SMAD9: variants seen among roughly 807,000 people sequenced by gnomAD.
SMAD9 encodes the protein SMAD family member 9, also known as MAD homolog 9.
In SMAD9, 36 loss-of-function variants were observed where a neutral mutation model predicts 46.1. The ratio of observed to expected loss-of-function variants is 0.78; its 90% confidence interval spans 0.60 to 1.03. The LOEUF (loss-of-function observed/expected upper bound fraction) is 1.03. SMAD9 is among the 50% of genes least tolerant of loss of function. SMAD9 has a pLI of 0.00. For missense variants in SMAD9, 572 were observed against 599.8 expected, an observed-to-expected ratio of 0.95 and a Z score of 0.48; for synonymous variants, 245 against 237.1, an observed-to-expected ratio of 1.03 and a Z score of -0.31.
chr13:36,872,090 C>A (rs1163476227), intron 3 of SMAD9, among the ~76,000 whole-genome samples: 1 of 152,130 alleles, frequency 6.6e-6, no homozygotes, highest in East Asian at 1.9e-4. Context: ...GGCTCCCTTT[C>A]CCTTCCATAT....
At chr13:36,867,988 A>T (rs2058252156) in intron 3 of SMAD9, among the ~76,000 whole-genome samples, 1 of 152,256 alleles carries the variant, frequency 6.6e-6, no homozygotes, top group Non-Finnish European at 1.5e-5. Context: ...CATGAGGCAC[A>T]GGAAAAACTC....
At chr13:36,919,716 AT>A (rs2058726700) in intron 1 of SMAD9, among the ~76,000 whole-genome samples, 1 of 143,534 alleles carries the variant, frequency 7.0e-6, no homozygotes, top group Non-Finnish European at 1.5e-5. Context: ...CGGGTCGAAC[AT>A]CCCCTGACAG....
intron 1 of SMAD9, among the ~76,000 whole-genome samples, chr13:36,900,998 C>G (rs975348422): frequency 2.0e-5 from 3 of 152,126 alleles, no homozygotes; most frequent in African/African-American, 7.2e-5. Context: ...TTTACCTATT[C>G]TGAATTGTTC....
chr13:36,887,271 G>T (rs190647659), intron 1 of SMAD9, among the ~76,000 whole-genome samples: 60 of 139,572 alleles, frequency 4.3e-4, no homozygotes, highest in African/African-American at 1.6e-3. Flanking sequence ...CTCCCAGGCT[G>T]GAGTGCAGTG....
intron 1 of SMAD9, among the ~76,000 whole-genome samples, chr13:36,884,497 GAGTA>G (rs2058428883): frequency 6.6e-6 from 1 of 152,084 alleles, no homozygotes; most frequent in African/African-American, 2.4e-5. Context: ...AACCCCAACT[GAGTA>G]AGAAAACAAC....
intron 5 of SMAD9, among the ~76,000 whole-genome samples, chr13:36,865,234 C>T (rs1445388550): frequency 6.6e-6 from 1 of 152,168 alleles, no homozygotes; most frequent in East Asian, 1.9e-4. Context: ...TAATGCATAA[C>T]ACTTCTATTT....
chr13:36,909,996 G>A (rs1375681977), intron 1 of SMAD9, among the ~76,000 whole-genome samples: 1 of 151,424 alleles, frequency 6.6e-6, no homozygotes, highest in East Asian at 1.9e-4. Flanking sequence ...AGGAGATCGA[G>A]ACCATCCTGG....
chr13:36,917,281 G>C (rs2058705650), intron 1 of SMAD9, among the ~76,000 whole-genome samples: 1 of 152,128 alleles, frequency 6.6e-6, no homozygotes, highest in Admixed American at 6.5e-5. Flanking sequence ...TTATTACCAA[G>C]GGATAATTGT....
At position 36,848,831 on chromosome 13, in the gene SMAD9, GA is replaced by G; in HGVS notation, c.1261-13del. The stretch of plus-strand genomic sequence containing the variant: ...TCAGCACCCCAACCCTGAAAAACAA[GA>G]AAGGAGCTGAGTGATGGTGCCACAC... On this transcript the variant is annotated splice_polypyrimidine_tract_variant and intron_variant, in intron 6 of 6. Transcript: ENST00000379826. The G allele has an allele frequency of 6.2e-7, 1 of 1,612,992 alleles. No individual in the cohort carries two copies. Among genetic ancestry groups the G allele is most frequent in the African/African-American group, 1.3e-5 (1 of 75,034 alleles).
intron 2 of SMAD9, 144 bp from the exon 3 acceptor site, chr13:36,873,059 C>G (rs1353976269): frequency 1.1e-6 from 1 of 926,258 alleles, no homozygotes; most frequent in Non-Finnish European, 1.7e-6. Context: ...AGTCTTTGTG[C>G]TCATCATAAA....
At chr13:36,898,946 C>A (rs1466095900) in intron 1 of SMAD9, among the ~76,000 whole-genome samples, 1 of 151,926 alleles carries the variant, frequency 6.6e-6, no homozygotes, top group Non-Finnish European at 1.5e-5. Context: ...AAACCAAATA[C>A]AAGCATAAAG....
chr13:36,900,275 A>AT (rs2058563212), intron 1 of SMAD9, among the ~76,000 whole-genome samples: 1 of 151,524 alleles, frequency 6.6e-6, no homozygotes, highest in Admixed American at 6.6e-5. Context: ...TCCCTATCTT[A>AT]TTTTATTTTT....
chr13:36,852,666 G>T, intron 6 of SMAD9: 1 of 672,042 alleles, frequency 1.5e-6, no homozygotes, highest in Non-Finnish European at 1.8e-6. Flanking sequence ...AACCAACCCT[G>T]CCTATTTTTG....
At chr13:36,913,581 AAAGC>A (rs778215327) in intron 1 of SMAD9, among the ~76,000 whole-genome samples, 1 of 152,224 alleles carries the variant, frequency 6.6e-6, no homozygotes, top group East Asian at 1.9e-4. Context: ...ATGACAACAG[AAAGC>A]AAGTAAAACT....
chr13:36,875,990 C>T (rs1174860195), intron 2 of SMAD9, among the ~76,000 whole-genome samples: 2 of 152,178 alleles, frequency 1.3e-5, no homozygotes, highest in Non-Finnish European at 2.9e-5. Flanking sequence ...ACCTGACTGG[C>T]TCCGTTGCCT....
chr13:36,880,771 A>C (rs2058395912), intron 1 of SMAD9, among the ~76,000 whole-genome samples: 2 of 152,222 alleles, frequency 1.3e-5, no homozygotes, highest in Admixed American at 1.3e-4. Context: ...TATTAAATAG[A>C]TTTGCAGTAA....
rs1176964759 is a variant in SMAD9, at chr13:36,870,704, GT to G, written c.670+1953del. On this transcript the variant is annotated intron_variant, in intron 3 of 6. Coordinates refer to ENST00000379826, the MANE Select transcript of SMAD9 (RefSeq NM_001127217.3). The stretch of plus-strand genomic sequence containing the variant: ...TAGTACAGAATACCACATATACTAT[GT>G]TTTTTTTCCTATACATACCTGTGAT... Among the ~76,000 whole-genome samples, 5 of 151,946 alleles carry G rather than the reference GT, an allele frequency of 3.3e-5. 1 individual carries two copies. The highest frequency in any genetic ancestry group is 6.6e-5 in the Admixed American group (1 of 15,238).
At chr13:36,871,515 C>T (rs1054068390) in intron 3 of SMAD9, among the ~76,000 whole-genome samples, 2 of 148,714 alleles carry the variant, frequency 1.3e-5, no homozygotes, top group Non-Finnish European at 2.9e-5. Context: ...AAGACTCCGT[C>T]TCAAAATAAA....
At chr13:36,911,318 TA>T (rs888723837) in intron 1 of SMAD9, among the ~76,000 whole-genome samples, 1 of 152,182 alleles carries the variant, frequency 6.6e-6, no homozygotes, top group African/African-American at 2.4e-5. Context: ...CCAACTATTG[TA>T]TCATTAAGCC....
Sources: allele counts gnomAD v4.1 joint callset (sites outside exome capture counted in the v4.1 genomes callset), GRCh38; gene constraint gnomAD v4.1.1; transcripts MANE v1.5; gene names NCBI Gene and HGNC (gene_info 2026-07-23, HGNC 2026-07-21).